CDH4: variants seen among roughly 807,000 people sequenced by gnomAD.
CDH4 encodes the protein cadherin-4.
CDH4 carries 33 observed loss-of-function variants against 86.0 expected under a neutral mutation model. That is an observed-to-expected ratio of 0.38 (90% CI 0.29 to 0.51). The LOEUF is 0.51. CDH4 is among the 20% of genes least tolerant of loss of function. The pLI, the probability that CDH4 is intolerant of heterozygous loss-of-function variation, is 0.86. For missense variants in CDH4, 1,114 were observed against 1,307.4 expected (o/e 0.85, Z 2.28); for synonymous variants, 555 against 549.4 (o/e 1.01, Z -0.14).
In CDH4 at chr20:61,898,293, C is replaced by T. The variant is rs140162280; in HGVS notation, c.1188+3246C>T. On this transcript the variant is annotated intron_variant, in intron 8 of 15. Transcript: ENST00000614565. ...AGAGATGCAGGGGATTTGCATGATC[C>T]GATTCTGAGTCCTAAATGTTAATTA... 2.6e-3 allele frequency among the ~76,000 whole-genome samples: 396 copies of T among 152,338 alleles called. 1 individual carries two copies. Among genetic ancestry groups the T allele is most frequent in the Non-Finnish European group, 4.7e-3 (321 of 68,038 alleles).
chr20:61,360,979 G>C (rs2084780263), intron 2 of CDH4, among the ~76,000 whole-genome samples: 1 of 151,830 alleles, frequency 6.6e-6, no homozygotes, highest in South Asian at 2.1e-4. Flanking sequence ...GGAGGCCTGA[G>C]AGAACGCAGA....
intron 2 of CDH4, among the ~76,000 whole-genome samples, chr20:61,647,566 T>TCTCTCTCTCC (rs2087077477): frequency 1.6e-5 from 1 of 64,198 alleles, no homozygotes; most frequent in Admixed American, 1.6e-4. Flanking sequence ...TCCCTCTCCC[T>TCTCTCTCTCC]CTCCCTCCCT....
chr20:61,304,597 A>G (rs945676939), intron 2 of CDH4, among the ~76,000 whole-genome samples: 19 of 152,170 alleles, frequency 1.2e-4, no homozygotes, highest in Admixed American at 9.2e-4. Context: ...TGGCTGTGCC[A>G]TAACAATATT....
At chr20:61,360,155 C>T (rs1286582947) in intron 2 of CDH4, among the ~76,000 whole-genome samples, 2 of 152,162 alleles carry the variant, frequency 1.3e-5, no homozygotes, top group Admixed American at 6.5e-5. Flanking sequence ...CACATCAGCT[C>T]GCAGGTTTGT....
intron 2 of CDH4, among the ~76,000 whole-genome samples, chr20:61,678,706 C>T (rs1283538329): frequency 2.0e-5 from 3 of 152,228 alleles, no homozygotes; most frequent in Admixed American, 2.0e-4. Flanking sequence ...TGGGAGTCCG[C>T]AGCAGCCCCA....
intron 2 of CDH4, among the ~76,000 whole-genome samples, chr20:61,412,241 G>A (rs1047160148): frequency 6.6e-6 from 1 of 152,132 alleles, no homozygotes; most frequent in African/African-American, 2.4e-5. Context: ...AGAAACTCTG[G>A]GTCCGTAGCA....
intron 2 of CDH4, among the ~76,000 whole-genome samples, chr20:61,742,662 G>T (rs1296101830): frequency 6.6e-6 from 1 of 152,192 alleles, no homozygotes; most frequent in African/African-American, 2.4e-5. Context: ...GGCTGTGGGT[G>T]CGTCGTAATT....
chr20:61,564,931 GA>G (rs1411884385), intron 2 of CDH4, among the ~76,000 whole-genome samples: 4 of 152,176 alleles, frequency 2.6e-5, no homozygotes, highest in Non-Finnish European at 5.9e-5. Flanking sequence ...CTGAGCCTCT[GA>G]AATGTGAACA....
At chr20:61,759,962 A>G (rs1264840932) in intron 3 of CDH4, among the ~76,000 whole-genome samples, 1 of 152,244 alleles carries the variant, frequency 6.6e-6, no homozygotes, top group Non-Finnish European at 1.5e-5. Flanking sequence ...CAGCCCGGCC[A>G]GGACCGAGGT....
chr20:61,494,460 A>G (rs910001719), intron 2 of CDH4, among the ~76,000 whole-genome samples: 1 of 152,242 alleles, frequency 6.6e-6, no homozygotes, highest in Non-Finnish European at 1.5e-5. Context: ...TCATAATGAA[A>G]TACAGAAGGG....
intron 8 of CDH4, 114 bp from the exon 9 acceptor site, chr20:61,910,308 C>T: frequency 1.1e-6 from 1 of 887,388 alleles, no homozygotes; most frequent in Non-Finnish European, 1.8e-6. Context: ...GCTGGGCTGA[C>T]ACGGTGTGTT....
intron 2 of CDH4, among the ~76,000 whole-genome samples, chr20:61,273,972 T>G (rs1196620174): frequency 0.03 from 1,573 of 53,000 alleles, no homozygotes; most frequent in Middle Eastern, 0.087. Flanking sequence ...TGTGCAGTTT[T>G]GGGGGGTACC....
chr20:61,403,181 G>A (rs1237949213), intron 2 of CDH4, among the ~76,000 whole-genome samples: 2 of 152,190 alleles, frequency 1.3e-5, no homozygotes, highest in East Asian at 1.9e-4. Flanking sequence ...ATCTTGAAGA[G>A]GCAAGCTACA....
chr20:61,665,963 C>T, intron 2 of CDH4, among the ~76,000 whole-genome samples: 1 of 152,182 alleles, frequency 6.6e-6, no homozygotes. Context: ...AGGTTGGTTC[C>T]TGCAGTTCTG....
chr20:61,514,803 T>G (rs1353600118), intron 2 of CDH4, among the ~76,000 whole-genome samples: 1 of 152,234 alleles, frequency 6.6e-6, no homozygotes, highest in Non-Finnish European at 1.5e-5. Context: ...CGATATTCAT[T>G]GTCTCAAGAA....
At chr20:61,310,800 A>G (rs1012782654) in intron 2 of CDH4, among the ~76,000 whole-genome samples, 1 of 152,010 alleles carries the variant, frequency 6.6e-6, no homozygotes, top group Non-Finnish European at 1.5e-5. Flanking sequence ...GTATCTTCCC[A>G]TGATTTTCCT....
At chr20:61,823,969 G>A (rs985845486) in intron 4 of CDH4, among the ~76,000 whole-genome samples, 2 of 152,168 alleles carry the variant, frequency 1.3e-5, no homozygotes, top group Non-Finnish European at 2.9e-5. Context: ...CTTTTGGATA[G>A]GTAAGGAACT....
chr20:61,536,964 G>A (rs892171958), intron 2 of CDH4, among the ~76,000 whole-genome samples: 6 of 152,212 alleles, frequency 3.9e-5, no homozygotes, highest in Admixed American at 1.3e-4. Context: ...GCCTGGGAGT[G>A]TCTGGCTCAA....
At chr20:61,506,662 C>T (rs778386278) in intron 2 of CDH4, among the ~76,000 whole-genome samples, 27 of 152,090 alleles carry the variant, frequency 1.8e-4, no homozygotes, top group Admixed American at 5.9e-4. Flanking sequence ...AGAGATGAGT[C>T]GGCCTGCAGG....
Sources: gnomAD v4.1 joint callset for allele counts (sites outside exome capture counted in the v4.1 genomes callset) on GRCh38, gnomAD v4.1.1 for gene constraint, MANE v1.5 for transcripts, NCBI Gene and HGNC (gene_info 2026-07-23, HGNC 2026-07-21) for gene names.